Variants in XPR1 observed in about 807,000 individuals in gnomAD.
XPR1 encodes solute carrier family 53 member 1.
In XPR1, 28 loss-of-function variants were observed where a neutral mutation model predicts 87.5. The observed-to-expected ratio is 0.32, with a 90% CI of 0.24 to 0.44. The LOEUF (loss-of-function observed/expected upper bound fraction) is 0.44, where lower values mean the gene tolerates loss of function less well. Ranked by LOEUF, XPR1 falls within the 20% of genes least tolerant of loss-of-function variation. XPR1 has a pLI of 1.00. For synonymous variants in XPR1, 300 were observed against 306.1 expected, an observed-to-expected ratio of 0.98 and a Z score of 0.21; for missense variants, 559 against 862.3, an observed-to-expected ratio of 0.65 and a Z score of 4.41.
chr1:180,658,879 T>A (rs1655633287), intron 1 of XPR1, among the ~76,000 whole-genome samples: 1 of 152,056 alleles, frequency 6.6e-6, no homozygotes, highest in African/African-American at 2.4e-5. Context: ...GATCATATGG[T>A]TTTTATCCTT....
chr1:180,875,572 A>G (rs138617477), intron 13 of XPR1, among the ~76,000 whole-genome samples: 162 of 152,168 alleles, frequency 1.1e-3, no homozygotes, highest in Non-Finnish European at 1.8e-3. Context: ...ATAAAAGAGA[A>G]AAATGTAAAA....
chr1:180,788,853 T>A (rs939558133), intron 3 of XPR1, among the ~76,000 whole-genome samples: 1 of 152,230 alleles, frequency 6.6e-6, no homozygotes, highest in Non-Finnish European at 1.5e-5. Flanking sequence ...TGAATTAGTC[T>A]AAAGATGAAT....
At chr1:180,764,613 G>T (rs1571814115) in intron 2 of XPR1, among the ~76,000 whole-genome samples, 1 of 151,722 alleles carries the variant, frequency 6.6e-6, no homozygotes, top group Non-Finnish European at 1.5e-5. Context: ...GGGACTACAG[G>T]CATGTACTAC....
chr1:180,822,888 T>C (rs1264961508), intron 7 of XPR1, among the ~76,000 whole-genome samples: 1 of 152,186 alleles, frequency 6.6e-6, no homozygotes, highest in Non-Finnish European at 1.5e-5. Context: ...AATTATTAAA[T>C]CTTCTATATA....
chr1:180,785,212 G>A (rs779330034), intron 2 of XPR1, among the ~76,000 whole-genome samples: 1 of 151,660 alleles, frequency 6.6e-6, no homozygotes, highest in Non-Finnish European at 1.5e-5. Flanking sequence ...TCCAGTGGTG[G>A]GATCTCAGCT....
intron 1 of XPR1, among the ~76,000 whole-genome samples, chr1:180,657,143 A>G (rs1655560147): frequency 6.6e-6 from 1 of 152,112 alleles, no homozygotes; most frequent in South Asian, 2.1e-4. Flanking sequence ...TCTTCTTTTG[A>G]GAAATGTCTG....
intron 2 of XPR1, among the ~76,000 whole-genome samples, chr1:180,693,442 A>T (rs765415703): frequency 1.3e-5 from 2 of 152,224 alleles, no homozygotes; most frequent in Admixed American, 6.5e-5. Context: ...AGTAGCATTG[A>T]CTTCAGTTAT....
chr1:180,809,513 G>A (rs946829952), intron 6 of XPR1, among the ~76,000 whole-genome samples: 1 of 152,160 alleles, frequency 6.6e-6, no homozygotes, highest in African/African-American at 2.4e-5. Flanking sequence ...AAAGCATCCA[G>A]AGAGAAAAGA....
chr1:180,677,046 A>C (rs896208688), intron 1 of XPR1, among the ~76,000 whole-genome samples: 2 of 152,142 alleles, frequency 1.3e-5, no homozygotes, highest in African/African-American at 4.8e-5. Flanking sequence ...CAAATTGCTA[A>C]CATTAGCTGG....
rs975739871 is a variant in XPR1 at position 180,849,190 on chromosome 1, A to G, written c.1501+12474A>G. On this transcript the variant is annotated intron_variant, in intron 11 of 14. Coordinates refer to ENST00000367590, the MANE Select transcript of XPR1 (RefSeq NM_004736.4). ...TATTAGTCTGATAGAGCTATTTGCA[A>G]ATATGTCATGTGTTGGCAGACATTA... 4.6e-5 allele frequency among the ~76,000 whole-genome samples: 7 copies of G among 152,318 alleles called. 1 individual carries two copies. The East Asian group carries it at 1.2e-3, about 25-fold the overall frequency.
At chr1:180,843,426 A>C (rs1472903153) in intron 11 of XPR1, among the ~76,000 whole-genome samples, 1 of 152,168 alleles carries the variant, frequency 6.6e-6, no homozygotes, top group Non-Finnish European at 1.5e-5. Context: ...CTAACTAATA[A>C]TGCAGAAAAT....
At chr1:180,721,729 T>C (rs1658185482) in intron 2 of XPR1, among the ~76,000 whole-genome samples, 1 of 152,210 alleles carries the variant, frequency 6.6e-6, no homozygotes, top group African/African-American at 2.4e-5. Context: ...CTTCCTCCTT[T>C]TCCTCAGCAT....
chr1:180,843,898 A>C (rs544551768), intron 11 of XPR1, among the ~76,000 whole-genome samples: 7 of 152,178 alleles, frequency 4.6e-5, no homozygotes, highest in Non-Finnish European at 5.9e-5. Context: ...TTAGAAATTG[A>C]GAGAGGATCT....
At chr1:180,863,922 C>T (rs980185606) in intron 12 of XPR1, 48 bp downstream of exon 12, 4 of 1,488,334 alleles carry the variant, frequency 2.7e-6, no homozygotes, top group African/African-American at 1.4e-5. Flanking sequence ...TTAGGTATAC[C>T]ACTAGCTAAT....
intron 1 of XPR1, among the ~76,000 whole-genome samples, chr1:180,668,207 C>T (rs1442960419): frequency 2.1e-5 from 3 of 144,900 alleles, no homozygotes; most frequent in African/African-American, 7.8e-5. Flanking sequence ...CAGTCAATTG[C>T]AACCTCCACC....
intron 1 of XPR1, among the ~76,000 whole-genome samples, chr1:180,632,856 A>G (rs913145965): frequency 1.3e-5 from 2 of 152,226 alleles, no homozygotes; most frequent in Non-Finnish European, 2.9e-5. Flanking sequence ...TGTGTATCAC[A>G]TATGTAGTGG....
chr1:180,654,155 A>G (rs1655375270), intron 1 of XPR1, among the ~76,000 whole-genome samples: 1 of 152,114 alleles, frequency 6.6e-6, no homozygotes, highest in African/African-American at 2.4e-5. Flanking sequence ...ATAAATGTTA[A>G]CTATTATTAG....
At chr1:180,680,843 T>C (rs1214539021) in intron 1 of XPR1, among the ~76,000 whole-genome samples, 1 of 152,168 alleles carries the variant, frequency 6.6e-6, no homozygotes, top group East Asian at 1.9e-4. Context: ...AAAGAAGATG[T>C]GATGTATATA....
At position 180,803,436 on chromosome 1, in the gene XPR1, T is replaced by C. The variant is rs1358497638; in HGVS notation, c.272T>C (p.Leu91Pro). Residue 91 changes from leucine (L) to proline (P), a missense_variant, in exon 4 of 15, where the codon CTT becomes CCT. Leu to Pro is a moderately conservative substitution (Grantham distance 98, BLOSUM62 -3). Coordinates refer to ENST00000367590, the MANE Select transcript of XPR1 (RefSeq NM_004736.4). ...AGGTTTGCTACACTTCAGAATGAGC[T>C]TCAGTCATCACTGGATGCACAGAAA... ...QRRFATLQNE[L>P]QSSLDAQKES... is the part of the protein sequence containing the mutation. The C allele has an allele frequency of 4.3e-6, 7 of 1,613,972 alleles. No homozygotes were observed. Among genetic ancestry groups the C allele is most frequent in the African/African-American group, 4.0e-5 (3 of 74,926 alleles).
Sources: allele counts gnomAD v4.1 joint callset (sites outside exome capture counted in the v4.1 genomes callset), GRCh38; gene constraint gnomAD v4.1.1; transcripts MANE v1.5; gene names NCBI Gene and HGNC (gene_info 2026-07-23, HGNC 2026-07-21).